TK2: variants seen among roughly 807,000 people sequenced by gnomAD.
The protein encoded by TK2 is thymidine kinase 2.
A neutral mutation model predicts 41.9 loss-of-function variants in TK2; 35 were observed. The ratio of observed to expected loss-of-function variants is 0.84; its 90% CI spans 0.64 to 1.11. TK2 has a LOEUF of 1.11. TK2 is among the 50% of genes least tolerant of loss of function. The pLI, the probability that TK2 is intolerant of heterozygous loss-of-function variation, is 0.00. For missense variants in TK2, 320 were observed against 351.1 expected, an observed-to-expected ratio of 0.91 and a Z score of 0.71; for synonymous variants, 128 against 129.1, an observed-to-expected ratio of 0.99 and a Z score of 0.06.
chr16:66,515,674 C>A (rs1462244801), intron 8 of TK2, among the ~76,000 whole-genome samples: 1 of 152,226 alleles, frequency 6.6e-6, no homozygotes, highest in Admixed American at 6.5e-5. Context: ...CTTGGACGGC[C>A]CCCAGGCTTG....
intron 3 of TK2, among the ~76,000 whole-genome samples, chr16:66,541,469 A>C (rs1965453018): frequency 1.3e-5 from 2 of 152,098 alleles, no homozygotes; most frequent in African/African-American, 2.4e-5. Context: ...CCTGCTGCTC[A>C]GGATGCAATG....
chr16:66,532,902 A>G (rs1484011378), intron 4 of TK2, among the ~76,000 whole-genome samples: 3 of 152,016 alleles, frequency 2.0e-5, no homozygotes, highest in Non-Finnish European at 4.4e-5. Flanking sequence ...ATGAAACCAC[A>G]AAAGACCCCA....
chr16:66,521,759 A>C (rs1267222097), intron 6 of TK2, among the ~76,000 whole-genome samples: 1 of 152,162 alleles, frequency 6.6e-6, no homozygotes, highest in Non-Finnish European at 1.5e-5. Flanking sequence ...ATTTCTACAG[A>C]ATGCACGGAG....
chr16:66,530,650 T>C (rs1051367733), intron 5 of TK2, among the ~76,000 whole-genome samples: 1 of 151,978 alleles, frequency 6.6e-6, no homozygotes, highest in East Asian at 1.9e-4. Context: ...AAACACAGAT[T>C]GCTGGGCCTC....
intron 6 of TK2, among the ~76,000 whole-genome samples, chr16:66,523,697 T>C (rs1280565939): frequency 6.6e-6 from 1 of 151,866 alleles, no homozygotes; most frequent in East Asian, 1.9e-4. Context: ...GGCGTGGTGG[T>C]GGGCGCCTGT....
rs1964454949 is a variant in TK2, at chr16:66,511,718, G to T, written c.*250C>A. The T allele has an allele frequency of 1.8e-6, 1 of 568,962 alleles. No individual in the cohort carries two copies. The highest frequency in any genetic ancestry group is 3.2e-6 in the Non-Finnish European group (1 of 315,868). The allele number at this position is 568,962 out of a possible 1,614,324, so 35.2% of individuals were successfully genotyped here. On this transcript the variant is annotated 3_prime_UTR_variant, in exon 10 of 10. Coordinates refer to ENST00000544898, the MANE Select transcript of TK2 (RefSeq NM_004614.5). ...GCGACTCAGCAGCACAAAGCCATGG[G>T]AGAGGCACCGGGGGAATGTGAGGCT... is the stretch of plus-strand genomic sequence containing the variant.
intron 9 of TK2, among the ~76,000 whole-genome samples, chr16:66,513,076 T>G (rs1473837547): frequency 6.6e-6 from 1 of 152,090 alleles, no homozygotes. Flanking sequence ...CTTGGGAGCA[T>G]CTGGGCCACT....
At chr16:66,549,916 G>T in intron 1 of TK2, 22 bp downstream of exon 1, 1 of 1,349,250 alleles carries the variant, frequency 7.4e-7, no homozygotes, top group Non-Finnish European at 9.4e-7. Context: ...CTCCTGGGAG[G>T]CGGGACCAAG....
chr16:66,529,215 T>G, intron 5 of TK2, 148 bp from the exon 6 acceptor site: 1 of 780,660 alleles, frequency 1.3e-6, no homozygotes, highest in Admixed American at 2.0e-5. Flanking sequence ...GAGGACCTCC[T>G]CACTCCCCTG....
intron 2 of TK2, chr16:66,548,733 C>A (rs1475137405): frequency 2.0e-5 from 10 of 508,074 alleles, no homozygotes; most frequent in Middle Eastern, 5.4e-4. Flanking sequence ...CTTTAACAGC[C>A]CAAATCTACC....
At chr16:66,536,532 C>T (rs547711524) in intron 4 of TK2, among the ~76,000 whole-genome samples, 2 of 152,228 alleles carry the variant, frequency 1.3e-5, no homozygotes, top group East Asian at 3.9e-4. Context: ...AGAGGTGGCC[C>T]CTGTTACCAG....
intron 6 of TK2, among the ~76,000 whole-genome samples, chr16:66,527,369 C>G (rs1310305938): frequency 6.6e-6 from 1 of 152,172 alleles, no homozygotes; most frequent in Non-Finnish European, 1.5e-5. Flanking sequence ...CATGGCAGCT[C>G]AGGGCTCCTA....
At chr16:66,548,857 G>A (rs1965688678) in intron 2 of TK2, 121 bp downstream of exon 2, 2 of 921,898 alleles carry the variant, frequency 2.2e-6, no homozygotes, top group African/African-American at 3.3e-5. Context: ...TCTCCCTGGA[G>A]ATCCTCTTGT....
chr16:66,547,923 A>C, intron 2 of TK2: 1 of 1,285,048 alleles, frequency 7.8e-7, no homozygotes, highest in Non-Finnish European at 1.0e-6. Context: ...CCCAGCTCAC[A>C]TCAATGCTAG....
intron 6 of TK2, among the ~76,000 whole-genome samples, chr16:66,519,472 C>A (rs1002290923): frequency 5.3e-5 from 8 of 152,296 alleles, no homozygotes; most frequent in African/African-American, 1.7e-4. Context: ...AGCCACTGCG[C>A]CCGGCCTACT....
At chr16:66,533,476 G>A (rs186531433) in intron 4 of TK2, among the ~76,000 whole-genome samples, 1 of 151,938 alleles carries the variant, frequency 6.6e-6, no homozygotes, top group African/African-American at 2.4e-5. Flanking sequence ...CTTGAGCCCA[G>A]GAGTTAAAGG....
chr16:66,529,198 G>A, intron 5 of TK2, 131 bp from the exon 6 acceptor site: 1 of 849,402 alleles, frequency 1.2e-6, no homozygotes, highest in Non-Finnish European at 2.0e-6. Context: ...CAGAGAGAGT[G>A]AAGCAGGAGG....
chr16:66,540,827 A>C (rs1965435574), intron 3 of TK2, among the ~76,000 whole-genome samples: 1 of 152,228 alleles, frequency 6.6e-6, no homozygotes. Context: ...TCTTTTCCTA[A>C]CCAGACTTTG....
chr16:66,545,859 A>C (rs942088346), intron 2 of TK2, among the ~76,000 whole-genome samples: 1 of 152,096 alleles, frequency 6.6e-6, no homozygotes, highest in Non-Finnish European at 1.5e-5. Context: ...AAGTGAAAGA[A>C]GCCAGATACA....
Sources: gnomAD v4.1 joint callset for allele counts (sites outside exome capture counted in the v4.1 genomes callset) on GRCh38, gnomAD v4.1.1 for gene constraint, MANE v1.5 for transcripts, NCBI Gene and HGNC (gene_info 2026-07-23, HGNC 2026-07-21) for gene names.